AOAH: variants seen among roughly 807,000 people sequenced by gnomAD.
The protein encoded by AOAH is acyloxyacyl hydrolase.
AOAH carries 64 observed loss-of-function variants against 92.2 expected under a neutral mutation model. That is an observed-to-expected ratio of 0.69 (90% confidence interval 0.57 to 0.86). The LOEUF (loss-of-function observed/expected upper bound fraction) is 0.86, where lower values mean the gene tolerates loss of function less well. Ranked by LOEUF, AOAH falls within the 40% of genes least tolerant of loss-of-function variation. The pLI, the probability that AOAH is intolerant of heterozygous loss-of-function variation, is 0.00. For missense variants in AOAH, 656 were observed against 694.6 expected (o/e 0.94, Z 0.62); for synonymous variants, 263 against 254.5 (o/e 1.03, Z -0.32).
rs11441171 is a variant in AOAH at position 36,536,949 on chromosome 7, CAAAAAAAAAAAA to C, written c.1306+3358_1306+3369del. Among the ~76,000 whole-genome samples the C allele has an allele frequency of 1.2e-3, 58 of 47,470 alleles. 1 individual carries two copies. Among genetic ancestry groups the C allele is most frequent in the African/African-American group, 5.7e-3 (58 of 10,220 alleles). 31.1% of individuals were successfully genotyped at this position (47,470 alleles called of 152,430 possible). On this transcript the variant is annotated intron_variant, in intron 16 of 20. Coordinates refer to ENST00000617537, the MANE Select transcript of AOAH (RefSeq NM_001637.4). ...TGGGTGACATAGTGAGACTTCATCTCAAAAAAAAAAAAAAAAAAAAAAAAAAAGAATCACACC... is the reference window on the plus strand; with the variant it reads ...TGGGTGACATAGTGAGACTTCATCTCAAAAAAAAAAAAAAAGAATCACACC...
chr7:36,615,188 T>G (rs1190440744), intron 11 of AOAH, among the ~76,000 whole-genome samples: 1 of 152,226 alleles, frequency 6.6e-6, no homozygotes, highest in African/African-American at 2.4e-5. Flanking sequence ...AGTGATTCCA[T>G]CTGCATAGGA....
chr7:36,664,766 G>A (rs900062285), intron 3 of AOAH, among the ~76,000 whole-genome samples: 1 of 152,140 alleles, frequency 6.6e-6, no homozygotes, highest in African/African-American at 2.4e-5. Context: ...AGGTTTACTT[G>A]GCTCACTGTT....
At chr7:36,567,265 G>A (rs1787781282) in intron 13 of AOAH, among the ~76,000 whole-genome samples, 1 of 152,184 alleles carries the variant, frequency 6.6e-6, no homozygotes, top group Non-Finnish European at 1.5e-5. Context: ...CTAACAGTCT[G>A]AGGCAGCAGA....
At chr7:36,619,611 C>G (rs973562834) in intron 9 of AOAH, among the ~76,000 whole-genome samples, 1 of 152,176 alleles carries the variant, frequency 6.6e-6, no homozygotes, top group Admixed American at 6.5e-5. Context: ...CATGAAAAGT[C>G]AGAGTGACTA....
At chr7:36,562,145 C>A (rs1369022344) in intron 13 of AOAH, among the ~76,000 whole-genome samples, 1 of 152,190 alleles carries the variant, frequency 6.6e-6, no homozygotes, top group Non-Finnish European at 1.5e-5. Context: ...TTATGCAATT[C>A]TCATGTCACT....
intron 19 of AOAH, among the ~76,000 whole-genome samples, chr7:36,528,176 A>G (rs3779222): frequency 0.075 from 11,388 of 152,244 alleles, 499 homozygotes; most frequent in East Asian, 0.16. Flanking sequence ...CACCAAAACT[A>G]GATCTTCACA....
intron 13 of AOAH, among the ~76,000 whole-genome samples, chr7:36,563,044 G>T (rs1425177136): frequency 6.7e-6 from 1 of 150,182 alleles, no homozygotes; most frequent in Non-Finnish European, 1.5e-5. Context: ...CTACTCAGGA[G>T]GCTGAGGCAG....
intron 1 of AOAH, among the ~76,000 whole-genome samples, chr7:36,717,021 A>AGC (rs1799244693): frequency 6.8e-6 from 1 of 147,588 alleles, no homozygotes. Context: ...AATAAATAAA[A>AGC]AAGCATAGTC....
rs571830466 is a variant in AOAH, at chr7:36,640,953, T to G, written c.391-3043A>C. ...TCAGAGATTCCAGGCTCGGAATAGC[T>G]GTGCACAGGAGCCGAGGGGGCACAG... On this transcript the variant is annotated intron_variant, in intron 4 of 20. Transcript: ENST00000617537. 3.6e-3 allele frequency among the ~76,000 whole-genome samples: 550 copies of G among 152,234 alleles called. 3 individuals are homozygous for G. Among genetic ancestry groups the G allele is most frequent in the African/African-American group, 0.013 (521 of 41,542 alleles).
chr7:36,541,631 C>G (rs759238318), intron 15 of AOAH, among the ~76,000 whole-genome samples: 2 of 152,188 alleles, frequency 1.3e-5, no homozygotes, highest in Non-Finnish European at 2.9e-5. Context: ...AATTTGTACT[C>G]CAAACCTCAG....
intron 12 of AOAH, among the ~76,000 whole-genome samples, chr7:36,579,298 G>A (rs1455353043): frequency 6.6e-6 from 1 of 152,016 alleles, no homozygotes; most frequent in African/African-American, 2.4e-5. Context: ...ATTAGGTGAT[G>A]TCACTGAGTA....
intron 16 of AOAH, among the ~76,000 whole-genome samples, chr7:36,536,949 CAAAAAAAAAA>C (rs11441171): frequency 1.9e-4 from 9 of 47,462 alleles, no homozygotes; most frequent in Admixed American, 3.7e-4. Context: ...GACTTCATCT[CAAAAAAAAAA>C]AAAAAAAAAA....
chr7:36,561,744 C>A (rs533096578), intron 13 of AOAH, among the ~76,000 whole-genome samples: 1 of 152,190 alleles, frequency 6.6e-6, no homozygotes, highest in African/African-American at 2.4e-5. Flanking sequence ...ATTAAAGGAC[C>A]AGGTCAGAGC....
chr7:36,555,563 C>A (rs1786641798), intron 13 of AOAH, among the ~76,000 whole-genome samples: 1 of 152,022 alleles, frequency 6.6e-6, no homozygotes. Context: ...AGGAATGGTA[C>A]CAGTTCCTCC....
intron 2 of AOAH, among the ~76,000 whole-genome samples, chr7:36,681,778 G>C (rs1796660042): frequency 6.6e-6 from 1 of 152,156 alleles, no homozygotes; most frequent in South Asian, 2.1e-4. Flanking sequence ...CTCAGCCTGG[G>C]TGACAGAGCA....
intron 15 of AOAH, among the ~76,000 whole-genome samples, chr7:36,541,648 A>G (rs752105369): frequency 6.6e-6 from 1 of 152,256 alleles, no homozygotes; most frequent in Non-Finnish European, 1.5e-5. Context: ...TCAGCGTCGT[A>G]CAATAATATA....
At chr7:36,517,214 C>CTTTCTTTCTTTCTT (rs59205788) in intron 20 of AOAH, among the ~76,000 whole-genome samples, 16 of 104,866 alleles carry the variant, frequency 1.5e-4, no homozygotes, top group South Asian at 3.4e-4. Context: ...TTCTTTCTTT[C>CTTTCTTTCTTTCTT]TCTTTCTTTC....
At chr7:36,717,198 C>T (rs79369875) in intron 1 of AOAH, among the ~76,000 whole-genome samples, 2,924 of 152,162 alleles carry the variant, frequency 0.019, 44 homozygotes, top group Non-Finnish European at 0.031. Flanking sequence ...TGCGGGGTTA[C>T]GCTTTGGGAT....
chr7:36,538,689 G>A (rs992902695), intron 16 of AOAH, among the ~76,000 whole-genome samples: 2 of 152,186 alleles, frequency 1.3e-5, no homozygotes, highest in Admixed American at 1.3e-4. Context: ...GTGGTTCAAA[G>A]AGACATTCTT....
Sources: allele counts gnomAD v4.1 joint callset (sites outside exome capture counted in the v4.1 genomes callset), GRCh38; gene constraint gnomAD v4.1.1; transcripts MANE v1.5; gene names NCBI Gene and HGNC (gene_info 2026-07-23, HGNC 2026-07-21).